The following RBM18 variants were observed in gnomAD, a reference collection of about 807,000 sequenced individuals.
RBM18 encodes probable RNA-binding protein 18.
RBM18 carries 18 observed loss-of-function variants against 26.4 expected under a neutral mutation model. That is an observed-to-expected ratio of 0.68 (90% CI 0.47 to 1.01). RBM18 has a LOEUF of 1.01. RBM18 is among the 50% of genes least tolerant of loss of function. The probability of loss-of-function intolerance (pLI) is 0.00; values close to 1 mark genes in which losing one functional copy is unlikely to be tolerated. For missense variants in RBM18, 180 were observed against 219.2 expected (o/e 0.82, Z 1.13); for synonymous variants, 74 against 81.1 (o/e 0.91, Z 0.47).
chr9:122,243,903 T>C (rs1831463558), intron 5 of RBM18: 1 of 982,340 alleles, frequency 1.0e-6, no homozygotes, highest in Non-Finnish European at 1.2e-6. Context: ...CCCTAGGCTA[T>C]CTTGTAAACA....
chr9:122,259,768 A>G (rs1831756152), intron 2 of RBM18, among the ~76,000 whole-genome samples: 1 of 152,246 alleles, frequency 6.6e-6, no homozygotes, highest in South Asian at 2.1e-4. Context: ...ATCTCCGTGC[A>G]CTGCAACCTC....
chr9:122,250,583 G>A (rs930936194), intron 3 of RBM18, among the ~76,000 whole-genome samples: 3 of 152,026 alleles, frequency 2.0e-5, no homozygotes, highest in Non-Finnish European at 2.9e-5. Flanking sequence ...CTCCACACAC[G>A]TACATACAAA....
At chr9:122,257,218 G>A (rs1325695785) in intron 2 of RBM18, among the ~76,000 whole-genome samples, 1 of 152,032 alleles carries the variant, frequency 6.6e-6, no homozygotes, top group Non-Finnish European at 1.5e-5. Context: ...TGGGACTACA[G>A]GCACCATCCG....
At chr9:122,260,644 A>G (rs1294302431) in intron 2 of RBM18, among the ~76,000 whole-genome samples, 1 of 152,190 alleles carries the variant, frequency 6.6e-6, no homozygotes, top group East Asian at 1.9e-4. Flanking sequence ...GGGTCCCATC[A>G]GAGGTTGTCA....
At chr9:122,242,334 C>T (rs1168657816) in intron 5 of RBM18, among the ~76,000 whole-genome samples, 1 of 152,164 alleles carries the variant, frequency 6.6e-6, no homozygotes, top group Non-Finnish European at 1.5e-5. Context: ...CACCTTAATG[C>T]TTGGCAGAGA....
In RBM18 at chr9:122,240,898, C is replaced by G. The variant is rs1349996681; in HGVS notation, c.*986G>C. 4 of 152,198 alleles carry G rather than the reference C, an allele frequency of 2.6e-5. No individual in the cohort carries two copies. The highest frequency in any genetic ancestry group is 4.4e-5 in the Non-Finnish European group (3 of 68,046). 9.4% of individuals were successfully genotyped at this position (152,198 alleles called of 1,614,324 possible). Reference sequence around the variant, plus strand: ...TGCCCACTGCATGTCCTCTCCTCGTCCTGCACAAGATAATGCAATCTCTTC... The same window carrying G: ...TGCCCACTGCATGTCCTCTCCTCGTGCTGCACAAGATAATGCAATCTCTTC... On this transcript the variant is annotated 3_prime_UTR_variant, in exon 6 of 6. Coordinates refer to ENST00000417201, the MANE Select transcript of RBM18 (RefSeq NM_033117.4).
chr9:122,246,573 G>C (rs1831508420), intron 4 of RBM18, among the ~76,000 whole-genome samples: 1 of 152,196 alleles, frequency 6.6e-6, no homozygotes, highest in African/African-American at 2.4e-5. Context: ...AAGGCAATGT[G>C]TCCTAGAAAT....
intron 1 of RBM18, among the ~76,000 whole-genome samples, chr9:122,261,837 C>A (rs1327981810): frequency 2.0e-5 from 3 of 152,192 alleles, no homozygotes; most frequent in African/African-American, 7.2e-5. Flanking sequence ...ACAACTGTCA[C>A]CCAAAATAAG....
Position 122,241,824 on chromosome 9 carries a change from G to A in RBM18, c.*60C>T. The A allele has an allele frequency of 6.8e-7, 1 of 1,473,964 alleles. No individual in the cohort carries two copies. 91.3% of individuals were successfully genotyped at this position (1,473,964 alleles called of 1,614,324 possible). On this transcript the variant is annotated 3_prime_UTR_variant, in exon 6 of 6. Coordinates refer to ENST00000417201, the MANE Select transcript of RBM18 (RefSeq NM_033117.4). The stretch of plus-strand genomic sequence containing the variant: ...ACCATTCACATCTACAAAGTACACA[G>A]GCAGACGATTTTAGGTGTGGAGACC...
intron 5 of RBM18, among the ~76,000 whole-genome samples, chr9:122,243,165 TCTCA>T (rs1831451588): frequency 6.6e-6 from 1 of 151,890 alleles, no homozygotes; most frequent in South Asian, 2.1e-4. Flanking sequence ...AGAGATGGAG[TCTCA>T]CTATGTTGTC....
At chr9:122,242,115 T>C (rs1025990856) in intron 5 of RBM18, 72 bp from the exon 6 acceptor site, 1 of 1,439,642 alleles carries the variant, frequency 6.9e-7, no homozygotes, top group Non-Finnish European at 9.5e-7. Context: ...GTTCCTCTCC[T>C]TGAGCCTCTT....
rs796746357 is a variant in RBM18 at position 122,245,156 on chromosome 9, T to C, written c.413+100A>G. 34 of 724,552 alleles carry C rather than the reference T, an allele frequency of 4.7e-5. No individual in the cohort carries two copies. In the African/African-American group the frequency reaches 5.5e-4, roughly 12 times the overall value. 44.9% of individuals were successfully genotyped at this position (724,552 alleles called of 1,614,324 possible). On this transcript the variant is annotated intron_variant, in intron 5 of 5. Coordinates refer to ENST00000417201, the MANE Select transcript of RBM18 (RefSeq NM_033117.4). ...TCTCTCTTGTCAAGTTAATAAATTC[T>C]AAGAGTCTGAAGACTCACTATTTTA... is the stretch of plus-strand genomic sequence containing the variant.
At chr9:122,249,235 G>A (rs919758635) in intron 3 of RBM18, among the ~76,000 whole-genome samples, 3 of 151,564 alleles carry the variant, frequency 2.0e-5, no homozygotes, top group African/African-American at 7.3e-5. Context: ...CTTCCCATAA[G>A]GTAAGAAGGA....
intron 3 of RBM18, among the ~76,000 whole-genome samples, chr9:122,249,221 C>T (rs1336558901): frequency 6.6e-6 from 1 of 151,762 alleles, no homozygotes; most frequent in East Asian, 1.9e-4. Flanking sequence ...ATCTATTCTC[C>T]CAACTTCCCA....
At position 122,240,602 on chromosome 9, in the gene RBM18, G is replaced by A. The variant is rs930166258; in HGVS notation, c.*1282C>T. On this transcript the variant is annotated 3_prime_UTR_variant, in exon 6 of 6. Coordinates refer to ENST00000417201, the MANE Select transcript of RBM18 (RefSeq NM_033117.4). ...AACAAAGTGATACATACCTGGTAAA[G>A]GAGCAAAGGTGCTGCCCAATTAAAC... is the stretch of plus-strand genomic sequence containing the variant. The A allele has an allele frequency of 6.6e-6, 1 of 152,168 alleles. No individual in the cohort carries two copies. The highest frequency in any genetic ancestry group is 1.5e-5 in the Non-Finnish European group (1 of 68,026). The allele number at this position is 152,168 out of a possible 1,614,324, so 9.4% of individuals were successfully genotyped here.
intron 3 of RBM18, 91 bp downstream of exon 3, chr9:122,251,756 G>A (rs1831609053): frequency 8.4e-6 from 10 of 1,194,160 alleles, no homozygotes; most frequent in Non-Finnish European, 1.1e-5. Context: ...CCTGCCTACA[G>A]GGAACTGCTA....
At chr9:122,247,785 G>GTTTTT (rs34974193) in intron 3 of RBM18, among the ~76,000 whole-genome samples, 181 bp from the exon 4 acceptor site, 2 of 132,784 alleles carry the variant, frequency 1.5e-5, no homozygotes, top group Non-Finnish European at 1.6e-5. Context: ...TTTTTTTGTT[G>GTTTTT]TTTTTTTTTT....
intron 2 of RBM18, 91 bp downstream of exon 2, chr9:122,261,289 A>G: frequency 1.2e-6 from 1 of 851,976 alleles, no homozygotes; most frequent in African/African-American, 1.7e-5. Context: ...GGGTCTAAGT[A>G]TATCCCACAC....
At chr9:122,245,746 G>A (rs1036687921) in intron 4 of RBM18, among the ~76,000 whole-genome samples, 1 of 152,128 alleles carries the variant, frequency 6.6e-6, no homozygotes, top group Non-Finnish European at 1.5e-5. Context: ...GGGAGGCCAA[G>A]GTGGGCAGAT....
Sources: allele counts gnomAD v4.1 joint callset (sites outside exome capture counted in the v4.1 genomes callset), GRCh38; gene constraint gnomAD v4.1.1; transcripts MANE v1.5; gene names NCBI Gene and HGNC (gene_info 2026-07-23, HGNC 2026-07-21).